The following CRYM variants were observed in gnomAD, a reference collection of about 807,000 sequenced individuals.
CRYM encodes crystallin mu.
In CRYM, 18 loss-of-function variants were observed where a neutral mutation model predicts 32.9. That is an observed-to-expected ratio of 0.55 (90% confidence interval 0.38 to 0.81). The LOEUF (loss-of-function observed/expected upper bound fraction) is 0.81. CRYM is among the 30% of genes least tolerant of loss of function. CRYM has a pLI of 0.00. For synonymous variants in CRYM, 153 were observed against 152.4 expected (o/e 1.00, Z -0.03); for missense variants, 337 against 393.5 (o/e 0.86, Z 1.21).
chr16:21,294,839 C>G (rs1256236185), intron 1 of CRYM, among the ~76,000 whole-genome samples: 1 of 151,868 alleles, frequency 6.6e-6, no homozygotes, highest in Non-Finnish European at 1.5e-5. Flanking sequence ...GGACTACAGG[C>G]ACACACCACC....
upstream of CRYM, among the ~76,000 whole-genome samples, chr16:21,283,001 A>G (rs557289339): frequency 2.0e-5 from 3 of 152,190 alleles, no homozygotes; most frequent in Admixed American, 6.5e-5. Flanking sequence ...TTAGTAATGC[A>G]GGGGTCAGTA....
At chr16:21,286,362 C>T (rs375196322) in intron 1 of CRYM, among the ~76,000 whole-genome samples, 54 of 151,402 alleles carry the variant, frequency 3.6e-4, no homozygotes, top group African/African-American at 9.9e-4. Context: ...GGATTACAGG[C>T]GCCGGCCACC....
At chr16:21,288,692 GT>G (rs1236443131) in intron 1 of CRYM, among the ~76,000 whole-genome samples, 3 of 152,024 alleles carry the variant, frequency 2.0e-5, no homozygotes, top group African/African-American at 4.8e-5. Flanking sequence ...AGTTTTTAAG[GT>G]GGAAGACTAG....
chr16:21,267,860 C>A, intron 4 of CRYM, 123 bp from the exon 5 acceptor site: 2 of 908,550 alleles, frequency 2.2e-6, no homozygotes, highest in Non-Finnish European at 3.6e-6. Flanking sequence ...TTATCTAAAT[C>A]ACTCCTAAAT....
intron 1 of CRYM, among the ~76,000 whole-genome samples, chr16:21,298,610 T>C (rs1960835100): frequency 6.6e-6 from 1 of 152,146 alleles, no homozygotes; most frequent in Admixed American, 6.5e-5. Flanking sequence ...GGTGCATGTG[T>C]AGATAAAATG....
intron 1 of CRYM, among the ~76,000 whole-genome samples, chr16:21,287,663 C>G (rs1299302168): frequency 6.6e-6 from 1 of 152,184 alleles, no homozygotes; most frequent in Admixed American, 6.5e-5. Context: ...ATAATGAAGT[C>G]TTGATACAAA....
chr16:21,287,692 T>C (rs943406528), intron 1 of CRYM, among the ~76,000 whole-genome samples: 1 of 152,240 alleles, frequency 6.6e-6, no homozygotes. Context: ...CAATGAGATC[T>C]GGAGAGCTTC....
At chr16:21,297,678 G>A (rs1960816887) in intron 1 of CRYM, among the ~76,000 whole-genome samples, 1 of 152,150 alleles carries the variant, frequency 6.6e-6, no homozygotes, top group African/African-American at 2.4e-5. Context: ...CAACCAGAGT[G>A]GGGATATGTG....
chr16:21,292,038 G>T (rs1197414614), intron 1 of CRYM, among the ~76,000 whole-genome samples: 1 of 152,042 alleles, frequency 6.6e-6, no homozygotes, highest in Non-Finnish European at 1.5e-5. Flanking sequence ...TTACTTAAGA[G>T]AAATGAAAGC....
chr16:21,297,379 G>A (rs1436715325), intron 1 of CRYM, among the ~76,000 whole-genome samples: 4 of 151,974 alleles, frequency 2.6e-5, no homozygotes, highest in African/African-American at 7.3e-5. Flanking sequence ...GGCAACAAGA[G>A]CAAAACTCCA....
At position 21,271,951 on chromosome 16, in the gene CRYM, T is replaced by C. The variant is rs935446649; in HGVS notation, c.388-2060A>G. Among the ~76,000 whole-genome samples, 5 of 151,902 alleles carry C rather than the reference T, an allele frequency of 3.3e-5. No homozygotes were observed. The South Asian group carries it at 1.0e-3, about 32-fold the overall frequency. On this transcript the variant is annotated intron_variant, in intron 3 of 7. Transcript: ENST00000572914. The stretch of plus-strand genomic sequence containing the variant: ...TCAGCTCACTGCAACCTCTGCTTCC[T>C]GGGTTCAAGCGATTCTCATGCCTCA...
In CRYM at chr16:21,277,491, G is replaced by A. The variant is rs780461538; in HGVS notation, c.264C>T (p.Val88=). The A allele has an allele frequency of 4.3e-6, 7 of 1,613,712 alleles. No homozygotes were observed. In the East Asian group the frequency reaches 1.1e-4, roughly 26 times the overall value. ...GCACAGTAGCCTGGTGGGAAGGGAC[G>A]ACCGAGGTGATGCCGCGGTCCTCGT... ...TFYEDRGITS[V]VPSHQATVLL... is the part of the protein sequence containing the mutation. Residue 88 remains valine, a synonymous_variant, in exon 2 of 8, where the codon GTC becomes GTT. Transcript: ENST00000572914. The surrounding 1 kb of genome is among the most constrained non-coding windows in gnomAD (Gnocchi z 4.2).
At chr16:21,298,822 C>T (rs1423147583) in intron 1 of CRYM, among the ~76,000 whole-genome samples, 1 of 152,166 alleles carries the variant, frequency 6.6e-6, no homozygotes, top group Non-Finnish European at 1.5e-5. Flanking sequence ...TTTGTGTGAT[C>T]ATGAAGGCAA....
Position 21,264,116 on chromosome 16 carries a change from G to A in CRYM, c.674-1958C>T, listed in dbSNP as rs137913255. ...ATATGCCTTCTTCCACTGCCGCCCC[G>A]TTTTCTCCCTTTGTTCCCTCCCGTT... is the stretch of plus-strand genomic sequence containing the variant. On this transcript the variant is annotated intron_variant, in intron 5 of 7. Transcript: ENST00000572914. 2.1e-3 allele frequency among the ~76,000 whole-genome samples: 317 copies of A among 152,248 alleles called. 2 individuals are homozygous for A. Among genetic ancestry groups the A allele is most frequent in the African/African-American group, 7.2e-3 (300 of 41,540 alleles).
chr16:21,278,863 C>T (rs2093393080), upstream of CRYM: 1 of 152,344 alleles, frequency 6.6e-6, no homozygotes, highest in African/African-American at 2.4e-5. Flanking sequence ...CCTAACAAAC[C>T]TTCGCCTTTA....
At chr16:21,301,822 G>C (rs1305950292) in intron 1 of CRYM, among the ~76,000 whole-genome samples, 1 of 152,176 alleles carries the variant, frequency 6.6e-6, no homozygotes, top group Non-Finnish European at 1.5e-5. Flanking sequence ...TTGGGAGGAG[G>C]AGTCCCGCCG....
intron 5 of CRYM, among the ~76,000 whole-genome samples, chr16:21,264,920 C>T (rs757714751): frequency 3.3e-5 from 5 of 152,170 alleles, no homozygotes; most frequent in African/African-American, 7.2e-5. Flanking sequence ...AGAGGACCCC[C>T]GAGCATGAGA....
intron 1 of CRYM, among the ~76,000 whole-genome samples, chr16:21,292,525 C>G (rs1316921906): frequency 6.6e-6 from 1 of 152,116 alleles, no homozygotes; most frequent in Non-Finnish European, 1.5e-5. Flanking sequence ...AAAACAATCT[C>G]AATCAACATC....
chr16:21,298,812 T>C (rs1445220034), intron 1 of CRYM, among the ~76,000 whole-genome samples: 2 of 152,240 alleles, frequency 1.3e-5, no homozygotes, highest in African/African-American at 4.8e-5. Context: ...CTCATATTTA[T>C]TTGTGTGATC....
Sources: gnomAD v4.1 joint callset for allele counts (sites outside exome capture counted in the v4.1 genomes callset) on GRCh38, gnomAD v4.1.1 for gene constraint, Gnocchi (gnomAD v3.1) non-coding constraint, MANE v1.5 for transcripts, NCBI Gene and HGNC (gene_info 2026-07-23, HGNC 2026-07-21) for gene names.